The following ADGRV1 variants were observed in gnomAD, a reference collection of about 807,000 sequenced individuals.
ADGRV1 encodes G-protein coupled receptor 98.
ADGRV1 carries 359 observed loss-of-function variants against 596.2 expected under a neutral mutation model. That is an observed-to-expected ratio of 0.60 (90% CI 0.55 to 0.66). The LOEUF (loss-of-function observed/expected upper bound fraction) is 0.66. Ranked by LOEUF, ADGRV1 falls within the 30% of genes least tolerant of loss-of-function variation. The pLI is 0.00. For missense variants in ADGRV1, 7,274 were observed against 7,575.6 expected (o/e 0.96, Z 1.48); for synonymous variants, 2,681 against 2,679.2 (o/e 1.00, Z -0.02).
chr5:91,043,763 T>G (rs976785717), intron 85 of ADGRV1, among the ~76,000 whole-genome samples: 1 of 152,032 alleles, frequency 6.6e-6, no homozygotes, highest in Non-Finnish European at 1.5e-5. Flanking sequence ...TTGCATTTGC[T>G]GTCTCTTCTA....
At chr5:90,957,417 G>A (rs183853549) in intron 83 of ADGRV1, among the ~76,000 whole-genome samples, 146 of 151,540 alleles carry the variant, frequency 9.6e-4, no homozygotes, top group African/African-American at 3.3e-3. Flanking sequence ...ACTAGTCTTG[G>A]TGTTAATGAC....
At chr5:90,645,732 T>G (rs1419944370) in intron 15 of ADGRV1, among the ~76,000 whole-genome samples, 1 of 152,214 alleles carries the variant, frequency 6.6e-6, no homozygotes, top group East Asian at 1.9e-4. Flanking sequence ...TATATTTCCA[T>G]TAAATTTCAT....
chr5:90,578,189 T>C (rs1439533301), intron 1 of ADGRV1, among the ~76,000 whole-genome samples: 2 of 152,202 alleles, frequency 1.3e-5, no homozygotes, highest in African/African-American at 4.8e-5. Context: ...TGTCTTGTGC[T>C]GGTTTTCAAA....
chr5:90,705,363 G>A (rs369060987), intron 36 of ADGRV1, 37 bp from the exon 37 acceptor site: 2 of 1,583,230 alleles, frequency 1.3e-6, no homozygotes, highest in Non-Finnish European at 1.7e-6. Context: ...AAAAGCTAAT[G>A]CCAAATCACT....
chr5:90,663,924 G>T (rs1014884473), intron 21 of ADGRV1, among the ~76,000 whole-genome samples: 1 of 151,232 alleles, frequency 6.6e-6, no homozygotes, highest in Non-Finnish European at 1.5e-5. Context: ...GATAGTTGTA[G>T]ATATGCGGCG....
chr5:91,037,207 A>G (rs917119622), intron 85 of ADGRV1, among the ~76,000 whole-genome samples: 1 of 152,210 alleles, frequency 6.6e-6, no homozygotes, highest in African/African-American at 2.4e-5. Flanking sequence ...GGAAAGCCCA[A>G]TCTTTTATAA....
chr5:90,823,845 G>T (rs906862123), intron 76 of ADGRV1, among the ~76,000 whole-genome samples: 7 of 152,036 alleles, frequency 4.6e-5, no homozygotes, highest in Non-Finnish European at 1.0e-4. Context: ...TAACAACCAT[G>T]TAGGTTTAAC....
rs370975884 is a variant in ADGRV1, at chr5:90,812,077, G to T, written c.16078+739G>T. On this transcript the variant is annotated intron_variant, in intron 74 of 89. Transcript: ENST00000405460. Reference sequence around the variant, plus strand: ...CGAGTAGCTGGGATTACAGGCACCTGCCACCACGCCCGGCTAATTTTTTTT... The same window carrying T: ...CGAGTAGCTGGGATTACAGGCACCTTCCACCACGCCCGGCTAATTTTTTTT... 8.6e-5 allele frequency among the ~76,000 whole-genome samples: 13 copies of T among 151,910 alleles called. 1 individual carries two copies. The East Asian group carries it at 2.3e-3, about 27-fold the overall frequency.
At chr5:90,623,555 G>T (rs1409969417) in intron 5 of ADGRV1, among the ~76,000 whole-genome samples, 1 of 152,114 alleles carries the variant, frequency 6.6e-6, no homozygotes, top group Non-Finnish European at 1.5e-5. Context: ...GGGAGTACAG[G>T]TGTGCATCAC....
At chr5:91,001,811 T>G (rs1029058929) in intron 85 of ADGRV1, among the ~76,000 whole-genome samples, 3 of 152,148 alleles carry the variant, frequency 2.0e-5, no homozygotes, top group Non-Finnish European at 2.9e-5. Context: ...GAATATCAAT[T>G]AACTTATTTG....
chr5:90,565,155 T>C lies in ADGRV1; in HGVS notation c.22+6238T>C, dbSNP rs111323892. Among the ~76,000 whole-genome samples the C allele has an allele frequency of 6.1e-3, 922 of 152,214 alleles. 7 individuals are homozygous for C. The highest frequency in any genetic ancestry group is 0.02 in the Middle Eastern group (6 of 294). Reference sequence around the variant, plus strand: ...GGGAGGCTGAGTCAAGAGAATCGTTTGAACGCGGGAGACAGAGGTTGCAGT... The same window carrying C: ...GGGAGGCTGAGTCAAGAGAATCGTTCGAACGCGGGAGACAGAGGTTGCAGT... On this transcript the variant is annotated intron_variant, in intron 1 of 89. Transcript: ENST00000405460.
intron 17 of ADGRV1, 46 bp from the exon 18 acceptor site, chr5:90,651,558 A>G (rs1230514522): frequency 7.2e-7 from 1 of 1,380,604 alleles, no homozygotes; most frequent in Non-Finnish European, 9.8e-7. Flanking sequence ...TTTTACAGCA[A>G]GTTAGCTACT....
intron 85 of ADGRV1, among the ~76,000 whole-genome samples, chr5:91,015,634 A>C (rs1354333306): frequency 2.0e-5 from 3 of 151,970 alleles, no homozygotes; most frequent in African/African-American, 7.2e-5. Context: ...CCAATATTTA[A>C]TGCCCTTATT....
At chr5:90,823,110 A>T (rs182081803) in intron 75 of ADGRV1, among the ~76,000 whole-genome samples, 3 of 152,304 alleles carry the variant, frequency 2.0e-5, no homozygotes, top group African/African-American at 7.2e-5. Flanking sequence ...TCCTAATTGG[A>T]TGCCCTTTAT....
intron 1 of ADGRV1, among the ~76,000 whole-genome samples, chr5:90,607,954 GA>G (rs997293614): frequency 5.3e-5 from 8 of 151,968 alleles, no homozygotes; most frequent in Non-Finnish European, 7.4e-5. Flanking sequence ...AAAGAGGGAA[GA>G]TTTTTTTTAA....
chr5:91,072,857 G>T (rs889918054), intron 86 of ADGRV1, among the ~76,000 whole-genome samples: 1 of 152,072 alleles, frequency 6.6e-6, no homozygotes, highest in East Asian at 1.9e-4. Context: ...TAAATGAGTC[G>T]CAGCCTTGGG....
intron 33 of ADGRV1, among the ~76,000 whole-genome samples, chr5:90,694,933 G>A (rs575211783): frequency 2.6e-5 from 4 of 152,070 alleles, no homozygotes; most frequent in Non-Finnish European, 4.4e-5. Context: ...TAGATTTTCC[G>A]GGAATATGTG....
intron 83 of ADGRV1, among the ~76,000 whole-genome samples, chr5:90,964,988 T>C (rs1173474516): frequency 6.6e-6 from 1 of 152,222 alleles, no homozygotes; most frequent in African/African-American, 2.4e-5. Context: ...TCTATGTTAC[T>C]TCCTGGCAAG....
In ADGRV1 at chr5:90,694,211, C is replaced by T. The variant is rs773469087; in HGVS notation, c.7455C>T (p.Asn2485=). The change falls in exon 33 of 90, where the codon AAC becomes AAT. Residue 2485 remains asparagine (N), a synonymous_variant. Coordinates refer to ENST00000405460, the MANE Select transcript of ADGRV1 (RefSeq NM_032119.4). Reference sequence around the variant, plus strand: ...CAGACTTCTGGACCTACAGGAAAAACATGACCAGGGTAGCATCTCTTTTTA... The same window carrying T: ...CAGACTTCTGGACCTACAGGAAAAATATGACCAGGGTAGCATCTCTTTTTA... ...NNSDFWTYRK[N]MTRVASLFSG... 1.9e-6 allele frequency: 3 copies of T among 1,613,798 alleles called. No homozygotes were observed. The highest frequency in any genetic ancestry group is 1.7e-6 in the Non-Finnish European group (2 of 1,179,856).
Sources: allele counts gnomAD v4.1 joint callset (sites outside exome capture counted in the v4.1 genomes callset), GRCh38; gene constraint gnomAD v4.1.1; transcripts MANE v1.5; gene names NCBI Gene and HGNC (gene_info 2026-07-23, HGNC 2026-07-21).